GPAT3: variants seen among roughly 807,000 people sequenced by gnomAD.
The protein encoded by GPAT3 is 1-AGP acyltransferase 9.
GPAT3 carries 53 observed loss-of-function variants against 58.8 expected under a neutral mutation model. That is an observed-to-expected ratio of 0.90 (90% CI 0.72 to 1.13). GPAT3 has a LOEUF of 1.13. GPAT3 is among the 50% of genes most tolerant of loss of function. The probability of loss-of-function intolerance (pLI) is 0.00; values close to 1 mark genes in which losing one functional copy is unlikely to be tolerated. For missense variants in GPAT3, 511 were observed against 527.6 expected, an observed-to-expected ratio of 0.97 and a Z score of 0.31; for synonymous variants, 197 against 187.4, an observed-to-expected ratio of 1.05 and a Z score of -0.42.
intron 1 of GPAT3, among the ~76,000 whole-genome samples, chr4:83,538,662 T>C (rs1488824653): frequency 1.3e-5 from 2 of 152,228 alleles, no homozygotes; most frequent in Non-Finnish European, 2.9e-5. Flanking sequence ...AGCTAGTTGC[T>C]GTCAGCCTGG....
At chr4:83,576,410 C>A (rs1725814619) in intron 2 of GPAT3, among the ~76,000 whole-genome samples, 5 of 133,584 alleles carry the variant, frequency 3.7e-5, no homozygotes, top group Admixed American at 2.2e-4. Flanking sequence ...GAGAAAATAT[C>A]ATTTTATTTA....
At chr4:83,597,144 T>C (rs1726873074) in intron 8 of GPAT3, among the ~76,000 whole-genome samples, 1 of 152,174 alleles carries the variant, frequency 6.6e-6, no homozygotes, top group African/African-American at 2.4e-5. Flanking sequence ...GAGAGCAGAA[T>C]TGTCCGTGAC....
At chr4:83,545,729 G>A (rs1240283603) in intron 2 of GPAT3, among the ~76,000 whole-genome samples, 1 of 151,640 alleles carries the variant, frequency 6.6e-6, no homozygotes, top group Non-Finnish European at 1.5e-5. Context: ...TTTTTTAATT[G>A]CCAGATACCT....
intron 2 of GPAT3, among the ~76,000 whole-genome samples, chr4:83,562,446 A>G (rs569882487): frequency 2.2e-3 from 334 of 151,170 alleles, no homozygotes; most frequent in Middle Eastern, 6.8e-3. Flanking sequence ...ATTAGACAGG[A>G]TGTGTGTGGG....
chr4:83,598,344 T>G (rs1442636715), intron 10 of GPAT3, among the ~76,000 whole-genome samples, 165 bp downstream of exon 10: 1 of 152,180 alleles, frequency 6.6e-6, no homozygotes, highest in African/African-American at 2.4e-5. Context: ...CATTTTATAT[T>G]GAGAGATTAT....
At chr4:83,590,885 CT>C (rs5859882) in intron 6 of GPAT3, among the ~76,000 whole-genome samples, 6,469 of 114,308 alleles carry the variant, frequency 0.057, 388 homozygotes, top group African/African-American at 0.18. Context: ...GAATCATATT[CT>C]TTTTTTTTTT....
intron 2 of GPAT3, among the ~76,000 whole-genome samples, chr4:83,546,903 G>C (rs1724540597): frequency 6.6e-6 from 1 of 152,044 alleles, no homozygotes; most frequent in Admixed American, 6.6e-5. Flanking sequence ...GGTATCCAGG[G>C]GTACTTAGTA....
At chr4:83,573,964 A>G (rs1218846653) in intron 2 of GPAT3, among the ~76,000 whole-genome samples, 1 of 152,194 alleles carries the variant, frequency 6.6e-6, no homozygotes, top group Non-Finnish European at 1.5e-5. Context: ...ATTTTTGTCA[A>G]TTCCAAACTA....
chr4:83,539,010 T>A (rs1247562018), intron 1 of GPAT3, among the ~76,000 whole-genome samples: 1 of 152,244 alleles, frequency 6.6e-6, no homozygotes, highest in Non-Finnish European at 1.5e-5. Flanking sequence ...TGGGAGCATC[T>A]GAGCTCATCA....
At chr4:83,548,289 A>G (rs564269148) in intron 2 of GPAT3, among the ~76,000 whole-genome samples, 1 of 152,258 alleles carries the variant, frequency 6.6e-6, no homozygotes, top group Admixed American at 6.5e-5. Flanking sequence ...AGATCCTAGC[A>G]ACTTTTATTT....
chr4:83,571,946 G>GT (rs1725625459), intron 2 of GPAT3, among the ~76,000 whole-genome samples: 1 of 151,900 alleles, frequency 6.6e-6, no homozygotes, highest in East Asian at 1.9e-4. Flanking sequence ...TAATTTTTGT[G>GT]TTTTTTGTAG....
At chr4:83,554,376 A>G (rs1035387629) in intron 2 of GPAT3, among the ~76,000 whole-genome samples, 5 of 152,146 alleles carry the variant, frequency 3.3e-5, no homozygotes, top group African/African-American at 1.2e-4. Flanking sequence ...TTTTAGAAGT[A>G]TTCCCCAAAC....
intron 2 of GPAT3, among the ~76,000 whole-genome samples, chr4:83,546,379 G>GTTT (rs373055285): frequency 2.9e-5 from 4 of 136,114 alleles, no homozygotes; most frequent in Admixed American, 7.3e-5. Context: ...CGTGGATTTA[G>GTTT]TTTTTTTTTT....
chr4:83,570,975 C>T (rs562989112), intron 2 of GPAT3, among the ~76,000 whole-genome samples: 8 of 152,316 alleles, frequency 5.3e-5, no homozygotes, highest in African/African-American at 1.4e-4. Flanking sequence ...ATCTGCCCTT[C>T]ATCTCTCAGT....
intron 2 of GPAT3, among the ~76,000 whole-genome samples, chr4:83,547,619 G>T (rs1438978032): frequency 6.6e-6 from 1 of 151,656 alleles, no homozygotes; most frequent in Non-Finnish European, 1.5e-5. Context: ...TCCCTTCCCA[G>T]TTAAATCCCT....
At chr4:83,548,530 A>G (rs1434364060) in intron 2 of GPAT3, among the ~76,000 whole-genome samples, 2 of 151,962 alleles carry the variant, frequency 1.3e-5, no homozygotes, top group African/African-American at 4.8e-5. Flanking sequence ...ATTACCATGA[A>G]AAGTCACCAA....
chr4:83,568,220 AG>A (rs970594361), intron 2 of GPAT3, among the ~76,000 whole-genome samples: 3 of 152,128 alleles, frequency 2.0e-5, no homozygotes, highest in African/African-American at 7.2e-5. Flanking sequence ...CCATGTTACT[AG>A]GGGGAGCGTG....
chr4:83,597,924 T>C, intron 9 of GPAT3, 127 bp from the exon 10 acceptor site: 1 of 1,098,284 alleles, frequency 9.1e-7, no homozygotes, highest in Non-Finnish European at 1.3e-6. Context: ...ATAAATTCCA[T>C]CAAGTGAAAT....
chr4:83,581,906 C>T (rs113796519), intron 3 of GPAT3, 74 bp downstream of exon 3: 39 of 1,530,730 alleles, frequency 2.5e-5, no homozygotes, highest in East Asian at 9.1e-5. Context: ...ATAATGGCCA[C>T]GTAAGTGTTC....
Sources: allele counts gnomAD v4.1 joint callset (sites outside exome capture counted in the v4.1 genomes callset), GRCh38; gene constraint gnomAD v4.1.1; transcripts MANE v1.5; gene names NCBI Gene and HGNC (gene_info 2026-07-23, HGNC 2026-07-21).